Variants in ZNF512B observed in about 807,000 individuals in gnomAD.
ZNF512B encodes zinc finger protein 512B.
ZNF512B carries 22 observed loss-of-function variants against 87.8 expected under a neutral mutation model. The ratio of observed to expected loss-of-function variants is 0.25; its 90% confidence interval spans 0.18 to 0.36. The LOEUF is 0.36. ZNF512B is among the 10% of genes least tolerant of loss of function. The pLI, the probability that ZNF512B is intolerant of heterozygous loss-of-function variation, is 1.00. For synonymous variants in ZNF512B, 524 were observed against 490.9 expected (o/e 1.07, Z -0.89); for missense variants, 1,060 against 1,231.6 (o/e 0.86, Z 2.09).
Position 63,962,794 on chromosome 20 carries a change from A to C in ZNF512B, c.1969-13T>G, listed in dbSNP as rs1250809545. The stretch of plus-strand genomic sequence containing the variant: ...GCTCCTCAGGGGGCTGGAGGGCAGG[A>C]AGGCATGGAGGCTAGAGTGAGCCGC... On this transcript the variant is annotated splice_polypyrimidine_tract_variant and intron_variant, in intron 12 of 16. Transcript: ENST00000369888. 6.3e-7 allele frequency: 1 copy of C among 1,587,512 alleles called. No homozygotes were observed. Among genetic ancestry groups the C allele is most frequent in the Non-Finnish European group, 8.6e-7 (1 of 1,166,484 alleles).
chr20:63,966,280 G>C lies in ZNF512B; in HGVS notation c.895C>G (p.Pro299Ala). ...PVTKPVTVSRPIVVSKPVTVS... is the reference protein window; with the variant it reads ...PVTKPVTVSRAIVVSKPVTVS... ...GTCACCGGCTTGCTGACCACAATGG[G>C]CCTGCTGACTGTCACTGGCTTGGTG... The change falls in exon 5 of 17, where the codon CCC becomes GCC. Residue 299 changes from proline to alanine, a missense_variant. Transcript: ENST00000369888. 1 of 1,612,762 alleles carries C rather than the reference G, an allele frequency of 6.2e-7. No individual in the cohort carries two copies. Among genetic ancestry groups the C allele is most frequent in the Non-Finnish European group, 8.5e-7 (1 of 1,179,290 alleles).
chr20:63,969,097 GTCCGGGGACAAAGTTCTCTGGAAGTCC>G (rs1169037224), intron 1 of ZNF512B: 1 of 985,238 alleles, frequency 1.0e-6, no homozygotes, highest in East Asian at 1.1e-4. Context: ...GGAGGCCAGT[GTCCGGGGACAAAGTTCTCTGGAAGTCC>G]TCACTTTGCA....
intron 16 of ZNF512B, 101 bp from the exon 17 acceptor site, chr20:63,960,240 G>A (rs2058834823): frequency 6.7e-7 from 1 of 1,499,694 alleles, no homozygotes; most frequent in Non-Finnish European, 9.0e-7. Context: ...TCAGGACCAG[G>A]CAAGCACCTG....
chr20:63,962,079 G>A, intron 14 of ZNF512B, 75 bp from the exon 15 acceptor site: 2 of 1,496,656 alleles, frequency 1.3e-6, no homozygotes. Flanking sequence ...CCCTACCCCA[G>A]GGGATCTCTG....
chr20:63,959,921 C>T lies in ZNF512B; in HGVS notation c.2646G>A (p.Arg882=). The change falls in exon 17 of 17, where the codon CGG becomes CGA. Residue 882 remains arginine (R), a synonymous_variant. Transcript: ENST00000369888. ...CAGGCGCCTTGCTGACTCCCACCTTCCGGCCGGTGGAGCCCCGGGCCCCCT... is the reference window on the plus strand; with the variant it reads ...CAGGCGCCTTGCTGACTCCCACCTTTCGGCCGGTGGAGCCCCGGGCCCCCT... ...RDKGARGSTG[R]KVGVSKAPEK The T allele has an allele frequency of 6.2e-7, 1 of 1,603,366 alleles. No individual in the cohort carries two copies. The highest frequency in any genetic ancestry group is 8.5e-7 in the Non-Finnish European group (1 of 1,177,238).
chr20:63,961,452 A>G lies in ZNF512B; in HGVS notation c.2329-45T>C, dbSNP rs932084972. 17 of 1,567,896 alleles carry G rather than the reference A, an allele frequency of 1.1e-5. No homozygotes were observed. Among genetic ancestry groups the G allele is most frequent in the Non-Finnish European group, 1.5e-5 (17 of 1,146,060 alleles). ...CAGTGCCCCAGCCCTTGGAGGACCC[A>G]GATCTGTCCTAAGCCCCTACTCATG... On this transcript the variant is annotated intron_variant, in intron 15 of 16. Transcript: ENST00000369888. The surrounding 1 kb of genome is among the most constrained non-coding windows in gnomAD (Gnocchi z 6.4).
intron 1 of ZNF512B, among the ~76,000 whole-genome samples, chr20:63,968,201 G>A (rs991114240): frequency 5.9e-5 from 9 of 152,196 alleles, no homozygotes; most frequent in African/African-American, 2.2e-4. Context: ...GTCCTGTCCT[G>A]AGACCCTCAC....
Position 63,964,220 on chromosome 20 carries a change from G to A in ZNF512B, c.1334-3C>T, listed in dbSNP as rs776645442. The A allele has an allele frequency of 1.7e-5, 28 of 1,606,198 alleles. No individual in the cohort carries two copies. The highest frequency in any genetic ancestry group is 1.7e-4 in the Admixed American group (10 of 58,576). ...CTTGTCCTCAGCTTTGACCAGGCCT[G>A]TGTGCACACATGGGGTGGAGAGAAA... On this transcript the variant is annotated splice_polypyrimidine_tract_variant and splice_region_variant and intron_variant, in intron 7 of 16. Coordinates refer to ENST00000369888, the MANE Select transcript of ZNF512B (RefSeq NM_020713.3).
rs370011927 is a variant in ZNF512B, at chr20:63,959,847, G to A, written c.*41C>T. On this transcript the variant is annotated 3_prime_UTR_variant, in exon 17 of 17. Coordinates refer to ENST00000369888, the MANE Select transcript of ZNF512B (RefSeq NM_020713.3). Reference sequence around the variant, plus strand: ...GCTGGCCCTGCCTTGAACAGAGGGCGGTGTGGCGGCTGCATGGGGGCCAGG... The same window carrying A: ...GCTGGCCCTGCCTTGAACAGAGGGCAGTGTGGCGGCTGCATGGGGGCCAGG... The A allele has an allele frequency of 8.7e-5, 133 of 1,522,396 alleles. No homozygotes were observed. The highest frequency in any genetic ancestry group is 2.1e-4 in the Admixed American group (10 of 47,260). The allele number at this position is 1,522,396 out of a possible 1,614,324, so 94.3% of individuals were successfully genotyped here. A position where few individuals can be genotyped will look rare whatever the true frequency, so the allele number is the denominator to read the frequency against.
In ZNF512B at chr20:63,966,599, G is replaced by T. The variant is rs143583869; in HGVS notation, c.576C>A (p.Ile192=). 81 of 1,613,648 alleles carry T rather than the reference G, an allele frequency of 5.0e-5. No individual in the cohort carries two copies. In the African/African-American group the frequency reaches 1.0e-3, roughly 20 times the overall value. ...ISRPVGVSKP[I]GVSKPVTIGK... ...CAATAGTGACAGGTTTGCTCACTCC[G>T]ATGGGCTTGCTGACCCCAACAGGCC... is the stretch of plus-strand genomic sequence containing the variant. The change falls in exon 5 of 17, where the codon ATC becomes ATA. Residue 192 remains isoleucine, a synonymous_variant. Coordinates refer to ENST00000369888, the MANE Select transcript of ZNF512B (RefSeq NM_020713.3).
At chr20:63,962,886 G>C (rs1302088929) in intron 12 of ZNF512B, 105 bp from the exon 13 acceptor site, 34 of 1,318,102 alleles carry the variant, frequency 2.6e-5, no homozygotes, top group Non-Finnish European at 3.1e-5. Context: ...AGGCCTCCCA[G>C]TGTGCTGGGG....
intron 14 of ZNF512B, 84 bp from the exon 15 acceptor site, chr20:63,962,088 T>C: frequency 1.4e-6 from 2 of 1,465,716 alleles, no homozygotes; most frequent in Non-Finnish European, 1.9e-6. Context: ...AGGGGATCTC[T>C]GAGGCTCTTT....
Position 63,961,517 on chromosome 20 carries a change from T to C in ZNF512B, c.2329-110A>G. 1.9e-6 allele frequency: 2 copies of C among 1,031,354 alleles called. No homozygotes were observed. The highest frequency in any genetic ancestry group is 2.7e-5 in the South Asian group (2 of 74,978). 63.9% of individuals were successfully genotyped at this position (1,031,354 alleles called of 1,614,324 possible). On this transcript the variant is annotated intron_variant, in intron 15 of 16. Transcript: ENST00000369888. This position sits in a 1 kb window ranked among gnomAD's most constrained non-coding sequence, Gnocchi z 6.4. The stretch of plus-strand genomic sequence containing the variant: ...GTCAGCGGTGGCCCAAGGAAAGCTG[T>C]GGCTGTCTGTGCCAGACAATGCAGG...
Position 63,962,308 on chromosome 20 carries a change from C to A in ZNF512B, c.2230G>T (p.Val744Leu), listed in dbSNP as rs201853605. Residue 744 changes from valine to leucine, a missense_variant, in exon 14 of 17, where the codon GTG (valine) becomes TTG (leucine). Val to Leu is a conservative substitution (Grantham distance 32, BLOSUM62 1). Transcript: ENST00000369888. ...PQLLEAWKNE[V>L]KEKGHVNCPN... ...CAGTTGACGTGGCCTTTCTCCTTCA[C>A]TTCATTCTTCCATGCCTCTAGCAGC... 4.7e-5 allele frequency: 75 copies of A among 1,612,700 alleles called. No homozygotes were observed. Among genetic ancestry groups the A allele is most frequent in the Admixed American group, 6.7e-5 (4 of 59,984 alleles).
Position 63,960,592 on chromosome 20 carries a change from G to A in ZNF512B, c.2428-453C>T, listed in dbSNP as rs1372351715. ...CTTCAGGACCAGGCAGGCACCTGCC[G>A]CAGGGCTGGACACAGCCTTCAGGAC... On this transcript the variant is annotated intron_variant, in intron 16 of 16. Transcript: ENST00000369888. 3.1e-3 allele frequency among the ~76,000 whole-genome samples: 383 copies of A among 122,632 alleles called. 1 individual carries two copies. Among genetic ancestry groups the A allele is most frequent in the African/African-American group, 0.012 (368 of 31,464 alleles). The allele number at this position is 122,632 out of a possible 152,430, so 80.5% of individuals were successfully genotyped here.
At chr20:63,967,688 C>A in intron 2 of ZNF512B, 142 bp downstream of exon 2, 1 of 1,480,222 alleles carries the variant, frequency 6.8e-7, no homozygotes, top group South Asian at 1.3e-5. Flanking sequence ...ATGTCCAAGG[C>A]AACCCCTACC....
chr20:63,961,311 C>T lies in ZNF512B; in HGVS notation c.2425G>A (p.Glu809Lys). 6.2e-7 allele frequency: 1 copy of T among 1,612,114 alleles called. No homozygotes were observed. The highest frequency in any genetic ancestry group is 8.5e-7 in the Non-Finnish European group (1 of 1,179,856). Reference sequence around the variant, plus strand: ...GGCCCTGGTGATGGCCCTCGCACCTCTGCGTGGGTCTTCAGGATGTGGTAT... The same window carrying T: ...GGCCCTGGTGATGGCCCTCGCACCTTTGCGTGGGTCTTCAGGATGTGGTAT... ...VKYHILKTHA[E>K]NWFRTSADPP... Residue 809 changes from glutamate to lysine, a missense_variant and splice_region_variant, in exon 16 of 17, where the codon GAG (glutamate) becomes AAG (lysine). Around this residue, in one of 9 missense-constraint regions of ZNF512B, gnomAD observed 253 missense variants for 259.2 expected, o/e 0.98. Coordinates refer to ENST00000369888, the MANE Select transcript of ZNF512B (RefSeq NM_020713.3). The surrounding 1 kb of genome is among the most constrained non-coding windows in gnomAD (Gnocchi z 6.4).
At chr20:63,963,550 G>A (rs1036866992) in intron 10 of ZNF512B, 68 bp downstream of exon 10, 4 of 1,599,426 alleles carry the variant, frequency 2.5e-6, no homozygotes, top group Non-Finnish European at 3.4e-6. Context: ...GAAACCGGGG[G>A]CACTGCGGTG....
Position 63,956,927 on chromosome 20 carries a change from G to A in ZNF512B, c.*2961C>T, listed in dbSNP as rs943241779. 3 of 152,514 alleles carry A rather than the reference G, an allele frequency of 2.0e-5. No individual in the cohort carries two copies. The highest frequency in any genetic ancestry group is 1.9e-4 in the East Asian group (1 of 5,178). The allele number at this position is 152,514 out of a possible 1,614,324, so 9.4% of individuals were successfully genotyped here. A position where few individuals can be genotyped will look rare whatever the true frequency, so the allele number is the denominator to read the frequency against. ...TATATATGGTTACAAGTGATAGCTG[G>A]AACCTCTTTCAAAATGCACTTATGT... is the stretch of plus-strand genomic sequence containing the variant. On this transcript the variant is annotated 3_prime_UTR_variant, in exon 17 of 17. Transcript: ENST00000369888.
Sources: allele counts gnomAD v4.1 joint callset (sites outside exome capture counted in the v4.1 genomes callset), GRCh38; gene constraint gnomAD v4.1.1; regional missense constraint gnomAD v4.1.1; non-coding constraint Gnocchi (gnomAD v3.1); transcripts MANE v1.5; gene names NCBI Gene and HGNC (gene_info 2026-07-23, HGNC 2026-07-21).